Variants in CACNB4 observed in about 807,000 individuals in gnomAD.
The protein encoded by CACNB4 is calcium voltage-gated channel auxiliary subunit beta 4.
Under a neutral mutation model 71.2 loss-of-function variants are expected in CACNB4, and 32 were observed. The ratio of observed to expected loss-of-function variants is 0.45; its 90% CI spans 0.34 to 0.60. The LOEUF (loss-of-function observed/expected upper bound fraction) is 0.60. CACNB4 is among the 20% of genes least tolerant of loss of function. The probability of loss-of-function intolerance (pLI) is 0.01; values close to 1 mark genes in which losing one functional copy is unlikely to be tolerated. For missense variants in CACNB4, 464 were observed against 647.9 expected (o/e 0.72, Z 3.08); for synonymous variants, 231 against 236.9 (o/e 0.97, Z 0.23).
intron 2 of CACNB4, among the ~76,000 whole-genome samples, chr2:151,894,387 C>A (rs111371394): frequency 4.6e-5 from 7 of 152,108 alleles, no homozygotes; most frequent in African/African-American, 1.7e-4. Context: ...AAATTCAACA[C>A]CCTTCATGAT....
intron 2 of CACNB4, among the ~76,000 whole-genome samples, chr2:151,928,039 C>A (rs139293766): frequency 1.4e-4 from 22 of 152,264 alleles, no homozygotes; most frequent in African/African-American, 4.8e-4. Flanking sequence ...GGCAGCAGAA[C>A]CAGCAGCAGA....
intron 2 of CACNB4, among the ~76,000 whole-genome samples, chr2:152,073,884 C>A (rs1686842861): frequency 6.6e-6 from 1 of 152,122 alleles, no homozygotes; most frequent in Non-Finnish European, 1.5e-5. Flanking sequence ...TCCCTAGCTT[C>A]TAGGTGAAAA....
chr2:151,912,757 T>C (rs1221439112), intron 2 of CACNB4, among the ~76,000 whole-genome samples: 1 of 152,162 alleles, frequency 6.6e-6, no homozygotes, highest in Non-Finnish European at 1.5e-5. Flanking sequence ...CTAATAATAC[T>C]GACAGTGGGG....
chr2:151,949,652 T>C (rs1230566394), intron 2 of CACNB4, among the ~76,000 whole-genome samples: 2 of 152,166 alleles, frequency 1.3e-5, no homozygotes, highest in Non-Finnish European at 2.9e-5. Context: ...GTCAAGGTCC[T>C]GATGTGCCAA....
At chr2:151,864,229 C>A (rs2099842510) in intron 9 of CACNB4, among the ~76,000 whole-genome samples, 1 of 152,130 alleles carries the variant, frequency 6.6e-6, no homozygotes. Context: ...AGGTAAAAGA[C>A]TAATAGGAGT....
intron 2 of CACNB4, among the ~76,000 whole-genome samples, chr2:152,067,586 A>T (rs148021520): frequency 4.8e-4 from 73 of 152,224 alleles, no homozygotes; most frequent in African/African-American, 1.6e-3. Flanking sequence ...TTGGGATCTC[A>T]TCCCAAATAA....
At chr2:151,917,237 A>T (rs924056117) in intron 2 of CACNB4, among the ~76,000 whole-genome samples, 1 of 152,210 alleles carries the variant, frequency 6.6e-6, no homozygotes, top group Non-Finnish European at 1.5e-5. Context: ...GACTGAAATC[A>T]TAATGGATAA....
intron 2 of CACNB4, among the ~76,000 whole-genome samples, chr2:151,940,719 G>A (rs1184662485): frequency 1.3e-5 from 2 of 152,154 alleles, no homozygotes; most frequent in Non-Finnish European, 2.9e-5. Context: ...ATACAAGGGA[G>A]GGTTATGTGA....
chr2:152,046,717 G>A (rs868147886), intron 2 of CACNB4, among the ~76,000 whole-genome samples: 5 of 152,162 alleles, frequency 3.3e-5, no homozygotes, highest in Admixed American at 1.3e-4. Context: ...GTAGCCAGGG[G>A]AAAGGAGATG....
At chr2:151,855,005 C>T in intron 11 of CACNB4, 2 of 379,264 alleles carry the variant, frequency 5.3e-6, no homozygotes, top group East Asian at 7.5e-5. Flanking sequence ...GCATAACTGT[C>T]TTGTTTGGGA....
intron 2 of CACNB4, chr2:151,971,905 C>T: frequency 2.6e-6 from 1 of 379,734 alleles, no homozygotes; most frequent in South Asian, 2.5e-5. Flanking sequence ...TGTGCACAGC[C>T]CGGAGGATCT....
intron 2 of CACNB4, among the ~76,000 whole-genome samples, chr2:152,019,329 C>T (rs906120739): frequency 2.0e-5 from 3 of 152,220 alleles, no homozygotes; most frequent in African/African-American, 7.2e-5. Flanking sequence ...TTTTCAATCT[C>T]ACTTCTACGT....
intron 2 of CACNB4, among the ~76,000 whole-genome samples, chr2:152,064,913 T>C (rs893102188): frequency 1.3e-5 from 2 of 152,046 alleles, no homozygotes; most frequent in African/African-American, 2.4e-5. Flanking sequence ...AGACCCCCAA[T>C]ATTAAATCCA....
At chr2:152,004,198 T>C (rs1579109731) in intron 2 of CACNB4, among the ~76,000 whole-genome samples, 1 of 152,130 alleles carries the variant, frequency 6.6e-6, no homozygotes, top group East Asian at 1.9e-4. Context: ...AATAAGTAAG[T>C]CGGGTACCTG....
chr2:152,000,616 C>A (rs888637844), intron 2 of CACNB4, among the ~76,000 whole-genome samples: 11 of 152,214 alleles, frequency 7.2e-5, no homozygotes, highest in Admixed American at 5.2e-4. Context: ...CCTGTTCCAA[C>A]TCTTGGTTCC....
At position 152,016,999 on chromosome 2, in the gene CACNB4, T is replaced by C. The variant is rs2709765; in HGVS notation, c.147+81331A>G. 4.6e-3 allele frequency among the ~76,000 whole-genome samples: 634 copies of C among 139,034 alleles called. 71 individuals are homozygous for C. The highest frequency in any genetic ancestry group is 0.02 in the African/African-American group (591 of 28,914). 91.2% of individuals were successfully genotyped at this position (139,034 alleles called of 152,430 possible). A position where few individuals can be genotyped will look rare whatever the true frequency, so the allele number is the denominator to read the frequency against. ...TAGTTGTTAAAGGTAGAACTGCAAG[T>C]TTAACCCAGGTGTTGCTCTTTAGAG... On this transcript the variant is annotated intron_variant, in intron 2 of 13. Coordinates refer to ENST00000539935, the MANE Select transcript of CACNB4 (RefSeq NM_000726.5).
intron 2 of CACNB4, among the ~76,000 whole-genome samples, chr2:152,042,517 C>G (rs1390034702): frequency 6.6e-6 from 1 of 152,154 alleles, no homozygotes; most frequent in African/African-American, 2.4e-5. Flanking sequence ...AACAGCTAGA[C>G]TAGCAGTACC....
chr2:152,084,768 C>A (rs934333830), intron 2 of CACNB4, among the ~76,000 whole-genome samples: 1 of 151,936 alleles, frequency 6.6e-6, no homozygotes, highest in African/African-American at 2.4e-5. Flanking sequence ...TGCCACCATG[C>A]CTGGCTAATG....
chr2:152,098,591 G>C lies in CACNB4; in HGVS notation c.64-178C>G. 10 of 524,488 alleles carry C rather than the reference G, an allele frequency of 1.9e-5. No individual in the cohort carries two copies. Among genetic ancestry groups the C allele is most frequent in the Non-Finnish European group, 3.7e-5 (10 of 272,456 alleles). The allele number at this position is 524,488 out of a possible 1,614,324, so 32.5% of individuals were successfully genotyped here. On this transcript the variant is annotated intron_variant, in intron 1 of 13. Transcript: ENST00000539935. This position sits in a 1 kb window ranked among gnomAD's most constrained non-coding sequence, Gnocchi z 5.3. ...CCCCACCCCCACCCACCCACTGCAA[G>C]CCTCGACTGCTGAAAAGATGCTCGA...
Sources: allele counts gnomAD v4.1 joint callset (sites outside exome capture counted in the v4.1 genomes callset), GRCh38; gene constraint gnomAD v4.1.1; non-coding constraint Gnocchi (gnomAD v3.1); transcripts MANE v1.5; gene names NCBI Gene and HGNC (gene_info 2026-07-23, HGNC 2026-07-21).